The following FBXL17 variants were observed in gnomAD, a reference collection of about 807,000 sequenced individuals.
FBXL17 encodes F-box and leucine rich repeat protein 17, also known as F-box/LRR-repeat protein 17.
A neutral mutation model predicts 66.2 loss-of-function variants in FBXL17; 22 were observed. The ratio of observed to expected loss-of-function variants is 0.33; its 90% CI spans 0.24 to 0.47. The LOEUF is 0.47. Among genes scored for constraint, FBXL17 ranks in the 20% least tolerant of loss-of-function variants. The probability of loss-of-function intolerance (pLI) is 1.00; values close to 1 mark genes in which losing one functional copy is unlikely to be tolerated. For synonymous variants in FBXL17, 474 were observed against 400.5 expected (o/e 1.18, Z -2.19); for missense variants, 878 against 948.2 (o/e 0.93, Z 0.97).
At chr5:108,001,862 C>A (rs1398562080) in intron 7 of FBXL17, among the ~76,000 whole-genome samples, 2 of 151,686 alleles carry the variant, frequency 1.3e-5, no homozygotes, top group African/African-American at 4.8e-5. Flanking sequence ...AAATCCTGGG[C>A]TAATACTTTA....
At chr5:108,195,827 C>T (rs917907221) in intron 5 of FBXL17, among the ~76,000 whole-genome samples, 1 of 151,870 alleles carries the variant, frequency 6.6e-6, no homozygotes, top group African/African-American at 2.4e-5. Flanking sequence ...TTATGGGGCA[C>T]GAGAGAAAAA....
intron 8 of FBXL17, among the ~76,000 whole-genome samples, chr5:107,870,200 G>A (rs1748399788): frequency 6.6e-6 from 1 of 152,140 alleles, no homozygotes; most frequent in South Asian, 2.1e-4. Flanking sequence ...GAAGGCACAG[G>A]TGATTTCTGT....
chr5:107,962,742 AT>A (rs1015234938), intron 7 of FBXL17, among the ~76,000 whole-genome samples: 9 of 151,792 alleles, frequency 5.9e-5, no homozygotes, highest in Admixed American at 4.6e-4. Context: ...CTATAAGCTA[AT>A]TTTTTTTCAT....
rs1751718403 is a variant in FBXL17, at chr5:107,957,707, C to T, written c.1822+63218G>A. Among the ~76,000 whole-genome samples, 3 of 152,204 alleles carry T rather than the reference C, an allele frequency of 2.0e-5. No homozygotes were observed. In the South Asian group the frequency reaches 6.2e-4, roughly 31 times the overall value. On this transcript the variant is annotated intron_variant, in intron 7 of 8. Transcript: ENST00000542267. ...CGCCCAAACACTGCACAAACACATA[C>T]TGACATACACACATAGAAAAAGTAA...
chr5:108,236,780 T>C (rs528917318), intron 4 of FBXL17, among the ~76,000 whole-genome samples: 11 of 152,330 alleles, frequency 7.2e-5, no homozygotes, highest in South Asian at 6.2e-4. Flanking sequence ...TTTTCATCTC[T>C]TGCAGGCCAA....
chr5:108,335,924 A>C (rs1161719518), intron 4 of FBXL17, among the ~76,000 whole-genome samples: 1 of 152,138 alleles, frequency 6.6e-6, no homozygotes, highest in Non-Finnish European at 1.5e-5. Context: ...GGGAAAAAAA[A>C]ACACAATTTA....
intron 7 of FBXL17, among the ~76,000 whole-genome samples, chr5:107,883,849 C>T (rs971947508): frequency 2.0e-5 from 3 of 152,154 alleles, no homozygotes; most frequent in African/African-American, 7.2e-5. Flanking sequence ...ATCAGAAGCC[C>T]TCACAGAACA....
chr5:108,050,789 C>A (rs1747441253), intron 6 of FBXL17, among the ~76,000 whole-genome samples: 1 of 151,756 alleles, frequency 6.6e-6, no homozygotes. Context: ...AAAAAATTAA[C>A]AAAGTAGATA....
chr5:108,028,486 C>T (rs1408823196), intron 6 of FBXL17, among the ~76,000 whole-genome samples: 2 of 152,072 alleles, frequency 1.3e-5, no homozygotes, highest in Non-Finnish European at 2.9e-5. Context: ...AATATAAAAG[C>T]ACTCAGAAGA....
intron 7 of FBXL17, among the ~76,000 whole-genome samples, chr5:107,901,645 G>T (rs1233295839): frequency 6.6e-6 from 1 of 152,150 alleles, no homozygotes; most frequent in Non-Finnish European, 1.5e-5. Flanking sequence ...ACATGCACTT[G>T]CTCCCTTTCT....
intron 3 of FBXL17, among the ~76,000 whole-genome samples, chr5:108,354,734 A>G (rs1407318414): frequency 6.6e-6 from 1 of 151,770 alleles, no homozygotes; most frequent in Non-Finnish European, 1.5e-5. Context: ...GGTTAAAAAA[A>G]AAAAGAAAAA....
At chr5:108,206,828 G>A (rs985033418) in intron 5 of FBXL17, among the ~76,000 whole-genome samples, 2 of 152,220 alleles carry the variant, frequency 1.3e-5, no homozygotes, top group South Asian at 4.1e-4. Context: ...GCTGCTATAT[G>A]GATCCATGTC....
chr5:108,002,464 T>C (rs1385543069), intron 7 of FBXL17, among the ~76,000 whole-genome samples: 1 of 152,112 alleles, frequency 6.6e-6, no homozygotes, highest in Admixed American at 6.5e-5. Context: ...TTAAAATACA[T>C]AACCGACTTA....
At chr5:107,907,331 C>T (rs180693029) in intron 7 of FBXL17, among the ~76,000 whole-genome samples, 109 of 152,236 alleles carry the variant, frequency 7.2e-4, no homozygotes, top group South Asian at 1.2e-3. Flanking sequence ...TATAAGCATC[C>T]TTTGTGCTTT....
chr5:108,061,371 C>A (rs1483308340), intron 6 of FBXL17, among the ~76,000 whole-genome samples: 1 of 152,006 alleles, frequency 6.6e-6, no homozygotes, highest in Non-Finnish European at 1.5e-5. Flanking sequence ...TCTCTTAGTA[C>A]CAATGAGATG....
rs1290385453 is a variant in FBXL17, at chr5:108,293,547, A to T, written c.1506+54852T>A. ...TTCCAAAACAAAAATACAGCTTCAA[A>T]ATTGTAAGTCTAAAATGAAGATTAT... is the stretch of plus-strand genomic sequence containing the variant. On this transcript the variant is annotated intron_variant, in intron 4 of 8. Transcript: ENST00000542267. Among the ~76,000 whole-genome samples the T allele has an allele frequency of 2.0e-5, 3 of 152,196 alleles. No homozygotes were observed. In the East Asian group the frequency reaches 5.8e-4, roughly 29 times the overall value.
At chr5:108,182,588 T>C (rs1208487863) in intron 6 of FBXL17, among the ~76,000 whole-genome samples, 1 of 152,184 alleles carries the variant, frequency 6.6e-6, no homozygotes, top group Non-Finnish European at 1.5e-5. Flanking sequence ...TCTTAATTAA[T>C]CCAAACTTTT....
chr5:107,938,713 G>A lies in FBXL17; in HGVS notation c.1823-57534C>T, dbSNP rs529438616. On this transcript the variant is annotated intron_variant, in intron 7 of 8. Transcript: ENST00000542267. ...ATACTCTCCAGAGAGCTTCCAACCC[G>A]ACATTCTCCATATGTTGCCCATATG... Among the ~76,000 whole-genome samples the A allele has an allele frequency of 1.1e-4, 16 of 152,102 alleles. No homozygotes were observed. The South Asian group carries it at 2.1e-3, about 20-fold the overall frequency.
chr5:108,126,631 G>GTCTCTC (rs140769664), intron 6 of FBXL17, among the ~76,000 whole-genome samples: 5,404 of 111,952 alleles, frequency 0.048, 165 homozygotes, highest in East Asian at 0.11. Context: ...CTGTCTCTCT[G>GTCTCTC]TCTCTCTCTC....
Sources: allele counts gnomAD v4.1 joint callset (sites outside exome capture counted in the v4.1 genomes callset), GRCh38; gene constraint gnomAD v4.1.1; transcripts MANE v1.5; gene names NCBI Gene and HGNC (gene_info 2026-07-23, HGNC 2026-07-21).